CTNNA2: variants seen among roughly 807,000 people sequenced by gnomAD.
CTNNA2 encodes the protein catenin alpha 2.
In CTNNA2, 42 loss-of-function variants were observed where a neutral mutation model predicts 101.0. The observed-to-expected ratio is 0.42, with a 90% CI of 0.32 to 0.54. The LOEUF (loss-of-function observed/expected upper bound fraction) is 0.54, where lower values mean the gene tolerates loss of function less well. Ranked by LOEUF, CTNNA2 falls within the 20% of genes least tolerant of loss-of-function variation. The pLI, the probability that CTNNA2 is intolerant of heterozygous loss-of-function variation, is 0.14. For missense variants in CTNNA2, 871 were observed against 1,223.1 expected (o/e 0.71, Z 4.29); for synonymous variants, 450 against 456.4 (o/e 0.99, Z 0.18).
intron 18 of CTNNA2, among the ~76,000 whole-genome samples, chr2:80,629,773 T>A (rs986518272): frequency 6.6e-6 from 1 of 152,192 alleles, no homozygotes; most frequent in African/African-American, 2.4e-5. Context: ...TAGCAACTTT[T>A]CTTCTCCAGT....
At chr2:79,456,887 AG>A (rs1670827450) in intron 4 of CTNNA2, among the ~76,000 whole-genome samples, 1 of 152,210 alleles carries the variant, frequency 6.6e-6, no homozygotes, top group Non-Finnish European at 1.5e-5. Context: ...GAGTGAAAAC[AG>A]GACATTTCAA....
chr2:80,262,941 GACAAAAATAATAAAAACA>G (rs1460450277), intron 7 of CTNNA2, among the ~76,000 whole-genome samples: 6 of 70,174 alleles, frequency 8.6e-5, no homozygotes, highest in African/African-American at 2.1e-4. Context: ...CAACAATATT[GACAAAAATAATAAAAACA>G]ACAATAACAA....
At chr2:79,441,944 T>C (rs1471922031) in intron 4 of CTNNA2, among the ~76,000 whole-genome samples, 2 of 152,184 alleles carry the variant, frequency 1.3e-5, no homozygotes, top group Non-Finnish European at 2.9e-5. Flanking sequence ...ACCATTCCCA[T>C]AGCTTTCACA....
chr2:79,741,231 T>G (rs1671268296), intron 2 of CTNNA2, among the ~76,000 whole-genome samples: 1 of 152,172 alleles, frequency 6.6e-6, no homozygotes, highest in Non-Finnish European at 1.5e-5. Flanking sequence ...AAACATTTGA[T>G]ATATTGGCCA....
intron 13 of CTNNA2, among the ~76,000 whole-genome samples, chr2:80,580,869 A>T (rs1310938089): frequency 6.6e-6 from 1 of 152,080 alleles, no homozygotes; most frequent in Non-Finnish European, 1.5e-5. Flanking sequence ...TACAAAAATT[A>T]GCCAAGCATG....
chr2:79,407,292 C>T (rs1480562618), intron 4 of CTNNA2, among the ~76,000 whole-genome samples: 1 of 151,992 alleles, frequency 6.6e-6, no homozygotes, highest in Non-Finnish European at 1.5e-5. Context: ...ATGTCAATCC[C>T]ATTTTACAAC....
At chr2:79,312,557 G>A (rs960213489) in intron 2 of CTNNA2, among the ~76,000 whole-genome samples, 1 of 152,260 alleles carries the variant, frequency 6.6e-6, no homozygotes, top group African/African-American at 2.4e-5. Context: ...AAAACTTGGA[G>A]TAAGAAAAAT....
intron 7 of CTNNA2, among the ~76,000 whole-genome samples, chr2:80,100,883 G>A (rs1700500137): frequency 6.6e-6 from 1 of 152,168 alleles, no homozygotes; most frequent in South Asian, 2.1e-4. Flanking sequence ...TTCATTTTGA[G>A]CAAAGATCAT....
intron 7 of CTNNA2, chr2:80,162,984 C>T: frequency 6.5e-7 from 1 of 1,548,494 alleles, no homozygotes; most frequent in South Asian, 1.1e-5. Flanking sequence ...GGCATGACTA[C>T]TTCCTGATCT....
At chr2:79,881,638 T>G (rs1683433231) in intron 6 of CTNNA2, among the ~76,000 whole-genome samples, 2 of 151,898 alleles carry the variant, frequency 1.3e-5, no homozygotes, top group Non-Finnish European at 2.9e-5. Context: ...ACCCCTGCTT[T>G]TTTTGCTTTC....
At chr2:80,583,314 G>A (rs1205045399) in intron 14 of CTNNA2, among the ~76,000 whole-genome samples, 1 of 152,054 alleles carries the variant, frequency 6.6e-6, no homozygotes, top group African/African-American at 2.4e-5. Flanking sequence ...CATGATGGTG[G>A]GACAACAGAA....
chr2:79,983,687 T>C (rs1237852000), intron 7 of CTNNA2, among the ~76,000 whole-genome samples: 1 of 152,206 alleles, frequency 6.6e-6, no homozygotes, highest in Non-Finnish European at 1.5e-5. Context: ...GAATGAATCC[T>C]GTGTCTCTCT....
intron 3 of CTNNA2, among the ~76,000 whole-genome samples, chr2:79,764,600 A>C (rs1270890649): frequency 6.6e-6 from 1 of 152,202 alleles, no homozygotes; most frequent in Non-Finnish European, 1.5e-5. Context: ...CAGGATTTGC[A>C]TTCCTTGATA....
intron 1 of CTNNA2, among the ~76,000 whole-genome samples, chr2:79,538,215 G>T (rs1673188769): frequency 6.7e-6 from 1 of 150,056 alleles, no homozygotes; most frequent in African/African-American, 2.5e-5. Flanking sequence ...GGATTATGCT[G>T]CAGCATTAGT....
intron 2 of CTNNA2, among the ~76,000 whole-genome samples, chr2:79,280,665 GAGAGAGAGAGAGAGAGAGAA>G (rs1393580523): frequency 4.0e-5 from 3 of 74,746 alleles, no homozygotes; most frequent in Middle Eastern, 5.7e-3. Context: ...GTAAGAGAAA[GAGAGAGAGAGAGAGAGAGAA>G]AGAGAGAGAG....
intron 7 of CTNNA2, among the ~76,000 whole-genome samples, chr2:80,063,204 C>A (rs1697733684): frequency 6.6e-6 from 1 of 152,142 alleles, no homozygotes; most frequent in Non-Finnish European, 1.5e-5. Context: ...TGCTCCCCTC[C>A]TGCCCTTTCC....
chr2:79,919,721 A>C (rs541648260), intron 7 of CTNNA2, among the ~76,000 whole-genome samples: 16 of 152,386 alleles, frequency 1.0e-4, no homozygotes, highest in South Asian at 6.2e-4. Context: ...GTATGTAAGA[A>C]GATCTGAACG....
At chr2:79,230,870 T>A (rs772482104) in intron 2 of CTNNA2, among the ~76,000 whole-genome samples, 14 of 152,224 alleles carry the variant, frequency 9.2e-5, no homozygotes, top group Admixed American at 6.5e-5. Context: ...ACTTTAATAT[T>A]TGACTGCCTT....
chr2:80,034,214 T>C (rs1244873836), intron 7 of CTNNA2, among the ~76,000 whole-genome samples: 1 of 151,612 alleles, frequency 6.6e-6, no homozygotes, highest in Non-Finnish European at 1.5e-5. Context: ...AACATCCCTA[T>C]AAAAAGAGAT....
Sources: gnomAD v4.1 joint callset for allele counts (sites outside exome capture counted in the v4.1 genomes callset) on GRCh38, gnomAD v4.1.1 for gene constraint, MANE v1.5 for transcripts, NCBI Gene and HGNC (gene_info 2026-07-23, HGNC 2026-07-21) for gene names.